GSTK1: variants seen among roughly 807,000 people sequenced by gnomAD.
GSTK1 encodes the protein glutathione S-transferase kappa 1, also known as GST class-kappa.
A neutral mutation model predicts 30.9 loss-of-function variants in GSTK1; 25 were observed. That is an observed-to-expected ratio of 0.81 (90% CI 0.59 to 1.13). GSTK1 has a LOEUF of 1.13. Ranked by LOEUF, GSTK1 falls within the 50% of genes most tolerant of loss-of-function variation. GSTK1 has a pLI of 0.00. For missense variants in GSTK1, 292 were observed against 292.4 expected (o/e 1.00, Z 0.01); for synonymous variants, 108 against 112.5 (o/e 0.96, Z 0.25).
intron 1 of GSTK1, 49 bp from the exon 2 acceptor site, chr7:143,264,037 C>T (rs17164171): frequency 6.4e-7 from 1 of 1,553,946 alleles, no homozygotes; most frequent in East Asian, 2.2e-5. Flanking sequence ...TCGGCTCTTT[C>T]ACTTTTCCAT....
In GSTK1 at chr7:143,264,126, A is replaced by T. The variant is rs1800798751; in HGVS notation, c.113A>T (p.Gln38Leu). 7 of 1,614,018 alleles carry T rather than the reference A, an allele frequency of 4.3e-6. No homozygotes were observed. Among genetic ancestry groups the T allele is most frequent in the Non-Finnish European group, 5.9e-6 (7 of 1,179,970 alleles). The change falls in exon 2 of 8, where the codon CAG becomes CTG. Residue 38 changes from glutamine (Q) to leucine (L), a missense_variant. Coordinates refer to ENST00000358406, the MANE Select transcript of GSTK1 (RefSeq NM_015917.3). ...RYQNIWNINLQLRPSLITGIM... is the reference protein window; with the variant it reads ...RYQNIWNINLLLRPSLITGIM... ...CAGAATATCTGGAACATCAACCTGCAGTTGCGGCCCAGCCTCATAACAGGG... is the reference window on the plus strand; with the variant it reads ...CAGAATATCTGGAACATCAACCTGCTGTTGCGGCCCAGCCTCATAACAGGG...
chr7:143,268,091 G>A lies in GSTK1; in HGVS notation c.538G>A (p.Ala180Thr), dbSNP rs756070089. The A allele has an allele frequency of 1.2e-5, 19 of 1,612,314 alleles. No individual in the cohort carries two copies. Among genetic ancestry groups the A allele is most frequent in the Middle Eastern group, 3.3e-4 (2 of 6,070 alleles). The change falls in exon 7 of 8, where the codon GCC becomes ACC. Residue 180 changes from alanine to threonine, a missense_variant and splice_region_variant. Ala to Thr is a moderately conservative substitution (Grantham distance 58). Transcript: ENST00000358406. This position sits in a 1 kb window ranked among gnomAD's most constrained non-coding sequence, Gnocchi z 4.1. ...ETTEAACRYG[A>T]FGLPITVAHV... ...CTTGCATTGTAACTGCTTTCTCCAG[G>A]CCTTTGGGCTGCCCATCACCGTGGC...
Position 143,268,037 on chromosome 7 carries a change from T to C in GSTK1, c.538-54T>C. ...GTACTGACTCAAAGGTTTCAACCCC[T>C]GCCTAATACCTGCTCCTTTGCCTTC... On this transcript the variant is annotated intron_variant, in intron 6 of 7. Transcript: ENST00000358406. The surrounding 1 kb of genome is among the most constrained non-coding windows in gnomAD (Gnocchi z 4.1). 2.9e-6 allele frequency: 4 copies of C among 1,375,632 alleles called. No homozygotes were observed. Among genetic ancestry groups the C allele is most frequent in the African/African-American group, 1.4e-5 (1 of 69,910 alleles). The allele number at this position is 1,375,632 out of a possible 1,614,324, so 85.2% of individuals were successfully genotyped here.
intron 2 of GSTK1, 74 bp downstream of exon 2, chr7:143,264,241 G>T: frequency 7.7e-7 from 1 of 1,302,426 alleles, no homozygotes; most frequent in Non-Finnish European, 1.1e-6. Context: ...CCTTATATTG[G>T]CACTGGCAGC....
intron 5 of GSTK1, 93 bp downstream of exon 5, chr7:143,265,389 A>G (rs946369808): frequency 9.1e-7 from 1 of 1,103,208 alleles, no homozygotes; most frequent in Admixed American, 2.8e-5. Context: ...CTCTTATTGC[A>G]TGGAAAAGGT....
chr7:143,264,168 G>A lies in GSTK1; in HGVS notation c.154+1G>A, dbSNP rs376247736. The A allele has an allele frequency of 3.7e-6, 6 of 1,613,230 alleles. No individual in the cohort carries two copies. Among genetic ancestry groups the A allele is most frequent in the Non-Finnish European group, 5.1e-6 (6 of 1,179,328 alleles). On this transcript the variant is annotated splice_donor_variant, in intron 2 of 7. Coordinates refer to ENST00000358406, the MANE Select transcript of GSTK1 (RefSeq NM_015917.3). LOFTEE classifies it high-confidence loss of function. ...ATAACAGGGATCATGAAAGACAGTG[G>A]TAGGAAGGGAGGGTCGGGGCAGGGG... is the stretch of plus-strand genomic sequence containing the variant.
At chr7:143,263,984 G>C in intron 1 of GSTK1, 102 bp from the exon 2 acceptor site, 1 of 972,070 alleles carries the variant, frequency 1.0e-6, no homozygotes, top group Non-Finnish European at 1.6e-6. Flanking sequence ...TAGGGTGTCC[G>C]CATAACCCCT....
At position 143,264,675 on chromosome 7, in the gene GSTK1, A is replaced by G; in HGVS notation, c.282A>G (p.Lys94=). The change falls in exon 3 of 8, where the codon AAA becomes AAG. Residue 94 remains lysine (K), a splice_region_variant and synonymous_variant. Coordinates refer to ENST00000358406, the MANE Select transcript of GSTK1 (RefSeq NM_015917.3). Reference sequence around the variant, plus strand: ...ATTTCTTGTCTGTGATGCTTGAAAAAGGTGAAGAGAGTGGGATGTAGACAG... The same window carrying G: ...ATTTCTTGTCTGTGATGCTTGAAAAGGGTGAAGAGAGTGGGATGTAGACAG... ...PKDFLSVMLE[K]GSLSAMRFLT... The G allele has an allele frequency of 6.2e-7, 1 of 1,613,930 alleles. No individual in the cohort carries two copies. The highest frequency in any genetic ancestry group is 8.5e-7 in the Non-Finnish European group (1 of 1,179,902).
In GSTK1 at chr7:143,265,091, G is replaced by C. The variant is rs771294590; in HGVS notation, c.383G>C (p.Arg128Thr). The C allele has an allele frequency of 6.2e-7, 1 of 1,614,180 alleles. No homozygotes were observed. Among genetic ancestry groups the C allele is most frequent in the East Asian group, 2.2e-5 (1 of 44,876 alleles). Residue 128 changes from arginine to threonine, a missense_variant and splice_region_variant, in exon 4 of 8, where the codon AGG (arginine) becomes ACG (threonine). Transcript: ENST00000358406. ...SRELWMRVWSRNEDITEPQSI... is the reference protein window; with the variant it reads ...SRELWMRVWSTNEDITEPQSI... The stretch of plus-strand genomic sequence containing the variant: ...GAGCTGTGGATGCGCGTCTGGTCAA[G>C]GGTGAGTGTGGGGCTCTGGGAATCC...
Position 143,264,106 on chromosome 7 carries a change from T to C in GSTK1, c.93T>C (p.Asn31=). 6.2e-7 allele frequency: 1 copy of C among 1,614,094 alleles called. No individual in the cohort carries two copies. Among genetic ancestry groups the C allele is most frequent in the Non-Finnish European group, 8.5e-7 (1 of 1,179,976 alleles). ...LGFEILCRYQ[N]IWNINLQLRP... Reference sequence around the variant, plus strand: ...CGCAGATCCTGTGCCGGTATCAGAATATCTGGAACATCAACCTGCAGTTGC... The same window carrying C: ...CGCAGATCCTGTGCCGGTATCAGAACATCTGGAACATCAACCTGCAGTTGC... Residue 31 remains asparagine (N), a synonymous_variant, in exon 2 of 8, where the codon AAT becomes AAC. Coordinates refer to ENST00000358406, the MANE Select transcript of GSTK1 (RefSeq NM_015917.3).
chr7:143,263,685 C>A, intron 1 of GSTK1, 100 bp downstream of exon 1: 1 of 1,155,512 alleles, frequency 8.7e-7, no homozygotes, highest in Non-Finnish European at 1.3e-6. Context: ...TAACTCCTGG[C>A]GCCGCCCAAG....
At chr7:143,266,653 CTTTTTTTTTTTTTTT>C (rs35527374) in intron 5 of GSTK1, among the ~76,000 whole-genome samples, 4 of 63,322 alleles carry the variant, frequency 6.3e-5, no homozygotes, top group Middle Eastern at 0.032. Context: ...TTCTTTCTTT[CTTTTTTTTTTTTTTT>C]TTTTTTTTTT....
intron 5 of GSTK1, 66 bp from the exon 6 acceptor site, chr7:143,267,551 T>G: frequency 3.2e-6 from 4 of 1,258,228 alleles, no homozygotes; most frequent in Non-Finnish European, 4.6e-6. Context: ...AAGACCAGAG[T>G]TTTCCTCTGA....
In GSTK1 at chr7:143,268,132, A is replaced by G; in HGVS notation, c.579A>G (p.Gln193=). 6.2e-7 allele frequency: 1 copy of G among 1,614,076 alleles called. No homozygotes were observed. Among genetic ancestry groups the G allele is most frequent in the Non-Finnish European group, 8.5e-7 (1 of 1,179,978 alleles). ...TCACCGTGGCCCATGTGGATGGCCA[A>G]ACCCACATGTTATTTGGCTCTGACC... is the stretch of plus-strand genomic sequence containing the variant. ...LPITVAHVDG[Q]THMLFGSDRM... The change falls in exon 7 of 8, where the codon CAA becomes CAG. Residue 193 remains glutamine (Q), a synonymous_variant. Coordinates refer to ENST00000358406, the MANE Select transcript of GSTK1 (RefSeq NM_015917.3). The surrounding 1 kb of genome is among the most constrained non-coding windows in gnomAD (Gnocchi z 4.1).
At chr7:143,266,610 G>A (rs532518282) in intron 5 of GSTK1, among the ~76,000 whole-genome samples, 2 of 148,556 alleles carry the variant, frequency 1.3e-5, no homozygotes, top group Admixed American at 1.3e-4. Flanking sequence ...CCTTTCCCCT[G>A]GAATTGTGAT....
rs748308736 is a variant in GSTK1 at position 143,267,673 on chromosome 7, C to T, written c.477C>T (p.Ile159=). 30 of 1,614,102 alleles carry T rather than the reference C, an allele frequency of 1.9e-5. No individual in the cohort carries two copies. The South Asian group carries it at 2.2e-4, about 12-fold the overall frequency. ...AAGCCCAGGGACTTCTGGAAAAGATCGCAACGCCAAAGGTGAAGAACCAGC... is the reference window on the plus strand; with the variant it reads ...AAGCCCAGGGACTTCTGGAAAAGATTGCAACGCCAAAGGTGAAGAACCAGC... ...AEQAQGLLEK[I]ATPKVKNQLK... Residue 159 remains isoleucine, a synonymous_variant, in exon 6 of 8, where the codon ATC becomes ATT. Transcript: ENST00000358406.
chr7:143,265,605 T>C (rs1284346297), intron 5 of GSTK1, among the ~76,000 whole-genome samples: 2 of 152,158 alleles, frequency 1.3e-5, no homozygotes, highest in African/African-American at 4.8e-5. Flanking sequence ...GATATAGTAT[T>C]CACAAGTCTC....
At position 143,263,452 on chromosome 7, in the gene GSTK1, A is replaced by G; in HGVS notation, c.-62A>G. 1 of 1,476,342 alleles carries G rather than the reference A, an allele frequency of 6.8e-7. No homozygotes were observed. The highest frequency in any genetic ancestry group is 9.4e-7 in the Non-Finnish European group (1 of 1,063,526). 91.5% of individuals were successfully genotyped at this position (1,476,342 alleles called of 1,614,324 possible). A position where few individuals can be genotyped will look rare whatever the true frequency, so the allele number is the denominator to read the frequency against. ...TCCCAGGCAGGCCCAGAAGCTGGGC[A>G]GCCTCTGCCGGGTTCCGGGAAAAGG... On this transcript the variant is annotated 5_prime_UTR_variant, in exon 1 of 8. Transcript: ENST00000358406.
At position 143,268,032 on chromosome 7, in the gene GSTK1, A is replaced by G; in HGVS notation, c.538-59A>G. ...GAAAAGTACTGACTCAAAGGTTTCA[A>G]CCCCTGCCTAATACCTGCTCCTTTG... On this transcript the variant is annotated intron_variant, in intron 6 of 7. Coordinates refer to ENST00000358406, the MANE Select transcript of GSTK1 (RefSeq NM_015917.3). This position sits in a 1 kb window ranked among gnomAD's most constrained non-coding sequence, Gnocchi z 4.1. 3.0e-6 allele frequency: 4 copies of G among 1,328,278 alleles called. No individual in the cohort carries two copies. The highest frequency in any genetic ancestry group is 2.3e-5 in the East Asian group (1 of 43,430). 82.3% of individuals were successfully genotyped at this position (1,328,278 alleles called of 1,614,324 possible).
Sources: gnomAD v4.1 joint callset for allele counts (sites outside exome capture counted in the v4.1 genomes callset) on GRCh38, gnomAD v4.1.1 for gene constraint, Gnocchi (gnomAD v3.1) non-coding constraint, MANE v1.5 for transcripts, NCBI Gene and HGNC (gene_info 2026-07-23, HGNC 2026-07-21) for gene names.